Variants in PLEKHG7 observed in about 807,000 individuals in gnomAD.
The protein encoded by PLEKHG7 is pleckstrin homology domain-containing family G member 7.
In PLEKHG7, 77 loss-of-function variants were observed where a neutral mutation model predicts 85.2. The ratio of observed to expected loss-of-function variants is 0.90; its 90% confidence interval spans 0.75 to 1.09. The LOEUF is 1.09. Among genes scored for constraint, PLEKHG7 ranks in the 50% least tolerant of loss-of-function variants. The pLI is 0.00. For missense variants in PLEKHG7, 777 were observed against 804.3 expected, an observed-to-expected ratio of 0.97 and a Z score of 0.41; for synonymous variants, 301 against 302.4, an observed-to-expected ratio of 1.00 and a Z score of 0.05.
chr12:92,722,717 T>G (rs934742271), intron 3 of PLEKHG7, among the ~76,000 whole-genome samples: 26 of 152,338 alleles, frequency 1.7e-4, no homozygotes, highest in Admixed American at 1.3e-3. Flanking sequence ...ACTCAAACTG[T>G]ATTCTGCTTT....
Position 92,771,524 on chromosome 12 carries a change from A to G in PLEKHG7, c.*1329A>G, listed in dbSNP as rs944014946. The G allele has an allele frequency of 2.6e-5, 4 of 152,080 alleles. No individual in the cohort carries two copies. Among genetic ancestry groups the G allele is most frequent in the Admixed American group, 2.0e-4 (3 of 15,256 alleles). The allele number at this position is 152,080 out of a possible 1,614,324, so 9.4% of individuals were successfully genotyped here. ...ATCTGGAGGACAGTAACTATTGTTA[A>G]TAGCTAAGAATAAATGAGGTGGAGG... On this transcript the variant is annotated 3_prime_UTR_variant, in exon 17 of 17. Transcript: ENST00000344636.
intron 3 of PLEKHG7, 45 bp from the exon 4 acceptor site, chr12:92,728,948 A>C: frequency 2.5e-6 from 3 of 1,210,626 alleles, no homozygotes. Flanking sequence ...TGAGTGGTCT[A>C]AGATGATATT....
chr12:92,754,235 C>T lies in PLEKHG7; in HGVS notation c.1397C>T (p.Ser466Phe). 1 of 1,613,956 alleles carries T rather than the reference C, an allele frequency of 6.2e-7. No homozygotes were observed. The highest frequency in any genetic ancestry group is 8.5e-7 in the Non-Finnish European group (1 of 1,179,922). ...MDSAEKIMIYSIKEKVEKSIR... is the reference protein window; with the variant it reads ...MDSAEKIMIYFIKEKVEKSIR... Reference sequence around the variant, plus strand: ...TCTGCTGAGAAAATCATGATCTACTCCATCAAGGAAAAGGTGGAAAAGTCC... The same window carrying T: ...TCTGCTGAGAAAATCATGATCTACTTCATCAAGGAAAAGGTGGAAAAGTCC... The change falls in exon 11 of 17, where the codon TCC becomes TTC. Residue 466 changes from serine (S) to phenylalanine (F), a missense_variant. Ser to Phe is a radical substitution (Grantham distance 155). This residue lies in a region of PLEKHG7 where 520 missense variants were observed against 544.0 expected (regional missense o/e 0.96). Coordinates refer to ENST00000344636, the MANE Select transcript of PLEKHG7 (RefSeq NM_001377329.1).
chr12:92,707,437 G>C, intron 2 of PLEKHG7: 1 of 1,431,808 alleles, frequency 7.0e-7, no homozygotes, highest in East Asian at 2.5e-5. Context: ...GAGCAATGGG[G>C]GCCCTCTTGC....
At chr12:92,751,343 G>T (rs376880648) in intron 10 of PLEKHG7, among the ~76,000 whole-genome samples, 1 of 152,204 alleles carries the variant, frequency 6.6e-6, no homozygotes, top group African/African-American at 2.4e-5. Context: ...CACTCTCATG[G>T]CCAGCCACCT....
intron 1 of PLEKHG7, 101 bp from the exon 2 acceptor site, chr12:92,706,370 A>G (rs1871227791): frequency 2.4e-6 from 1 of 411,044 alleles, no homozygotes; most frequent in Non-Finnish European, 4.3e-6. Context: ...TCTATTGCCT[A>G]TGAAGAATTA....
At chr12:92,704,741 C>G (rs1871182354) in intron 1 of PLEKHG7, among the ~76,000 whole-genome samples, 1 of 152,172 alleles carries the variant, frequency 6.6e-6, no homozygotes, top group African/African-American at 2.4e-5. Flanking sequence ...TTTCATTTGG[C>G]ATTTTAAAAA....
At chr12:92,738,718 GACA>G (rs1222214756) in intron 7 of PLEKHG7, among the ~76,000 whole-genome samples, 1 of 152,170 alleles carries the variant, frequency 6.6e-6, no homozygotes, top group African/African-American at 2.4e-5. Flanking sequence ...AAAGAGAAAT[GACA>G]ATACCATCCC....
At chr12:92,738,547 A>C (rs886973648) in intron 7 of PLEKHG7, among the ~76,000 whole-genome samples, 2 of 152,232 alleles carry the variant, frequency 1.3e-5, no homozygotes, top group Non-Finnish European at 2.9e-5. Context: ...TTCAGGCTAT[A>C]TAGTTTTTGT....
intron 15 of PLEKHG7, among the ~76,000 whole-genome samples, chr12:92,768,391 C>T (rs563041851): frequency 6.6e-6 from 1 of 152,170 alleles, no homozygotes; most frequent in Non-Finnish European, 1.5e-5. Context: ...TTTGCAAACA[C>T]AGAAACCATG....
Position 92,706,775 on chromosome 12 carries a change from G to A in PLEKHG7, c.144G>A (p.Ser48=), listed in dbSNP as rs545048958. Residue 48 remains serine (S), a synonymous_variant, in exon 2 of 17, where the codon TCG becomes TCA. Transcript: ENST00000344636. ...DRQAPGRIST[S]PTLRRLRTRG... ...AAGCCCCAGGCCGCATCTCCACCTC[G>A]CCCACTTTGAGGAGATTAAGGACCC... The A allele has an allele frequency of 3.4e-5, 55 of 1,613,854 alleles. No individual in the cohort carries two copies. Among genetic ancestry groups the A allele is most frequent in the African/African-American group, 1.1e-4 (8 of 74,906 alleles).
intron 3 of PLEKHG7, among the ~76,000 whole-genome samples, chr12:92,709,737 A>T (rs375563721): frequency 2.6e-5 from 4 of 152,210 alleles, no homozygotes; most frequent in Non-Finnish European, 5.9e-5. Context: ...AGTCTTGGTA[A>T]ATTTTAAAAG....
At position 92,706,759 on chromosome 12, in the gene PLEKHG7, G is replaced by C; in HGVS notation, c.128G>C (p.Gly43Ala). ...SLLQFDRQAP[G>A]RISTSPTLRR... is the part of the protein sequence containing the mutation. ...CTCCAGTTTGACCGGCAAGCCCCAGGCCGCATCTCCACCTCGCCCACTTTG... is the reference window on the plus strand; with the variant it reads ...CTCCAGTTTGACCGGCAAGCCCCAGCCCGCATCTCCACCTCGCCCACTTTG... The change falls in exon 2 of 17, where the codon GGC becomes GCC. Residue 43 changes from glycine (G) to alanine (A), a missense_variant. Gly to Ala is a moderately conservative substitution (Grantham distance 60). Around this residue, in one of 3 missense-constraint regions of PLEKHG7, gnomAD observed 252 missense variants for 241.9 expected, o/e 1.04. Coordinates refer to ENST00000344636, the MANE Select transcript of PLEKHG7 (RefSeq NM_001377329.1). The C allele has an allele frequency of 6.2e-7, 1 of 1,614,028 alleles. No homozygotes were observed. The highest frequency in any genetic ancestry group is 8.5e-7 in the Non-Finnish European group (1 of 1,180,026).
At position 92,770,637 on chromosome 12, in the gene PLEKHG7, A is replaced by G; in HGVS notation, c.*442A>G. The G allele has an allele frequency of 6.5e-6, 1 of 154,708 alleles. No individual in the cohort carries two copies. Among genetic ancestry groups the G allele is most frequent in the Non-Finnish European group, 1.4e-5 (1 of 69,798 alleles). 9.6% of individuals were successfully genotyped at this position (154,708 alleles called of 1,614,324 possible). On this transcript the variant is annotated 3_prime_UTR_variant, in exon 17 of 17. Coordinates refer to ENST00000344636, the MANE Select transcript of PLEKHG7 (RefSeq NM_001377329.1). ...TGTCAATCAGTCTTAACCGCTTTATAGTCCTACCTCAAACATAATGATAAA... is the reference window on the plus strand; with the variant it reads ...TGTCAATCAGTCTTAACCGCTTTATGGTCCTACCTCAAACATAATGATAAA...
intron 13 of PLEKHG7, among the ~76,000 whole-genome samples, chr12:92,758,478 A>C (rs908158339): frequency 6.6e-6 from 1 of 152,182 alleles, no homozygotes; most frequent in Non-Finnish European, 1.5e-5. Flanking sequence ...CATAATGAGA[A>C]CCCACATGGA....
intron 16 of PLEKHG7, among the ~76,000 whole-genome samples, chr12:92,769,441 C>T (rs115270900): frequency 3.6e-3 from 551 of 152,224 alleles, no homozygotes; most frequent in African/African-American, 0.013. Context: ...CTTTAAGATG[C>T]TCCAATCAGT....
At position 92,770,432 on chromosome 12, in the gene PLEKHG7, T is replaced by TA. The variant is rs1873376190; in HGVS notation, c.*239dup. The TA allele has an allele frequency of 2.4e-6, 1 of 422,988 alleles. No homozygotes were observed. Among genetic ancestry groups the TA allele is most frequent in the Middle Eastern group, 6.3e-4 (1 of 1,590 alleles). The allele number at this position is 422,988 out of a possible 1,614,324, so 26.2% of individuals were successfully genotyped here. A position where few individuals can be genotyped will look rare whatever the true frequency, so the allele number is the denominator to read the frequency against. On this transcript the variant is annotated 3_prime_UTR_variant, in exon 17 of 17. Transcript: ENST00000344636. ...ATATACTGACATCCAGATTACCTTC[T>TA]AATGCTTCCGTCAGGTTTGTAAGAG...
intron 14 of PLEKHG7, among the ~76,000 whole-genome samples, chr12:92,762,657 C>A (rs1334953705): frequency 1.3e-5 from 2 of 152,184 alleles, no homozygotes; most frequent in Non-Finnish European, 2.9e-5. Flanking sequence ...GGCTCCCAGA[C>A]ACCTGCTCTA....
intron 3 of PLEKHG7, chr12:92,721,332 G>C (rs1202757903): frequency 3.3e-6 from 2 of 598,266 alleles, no homozygotes. Context: ...GGCCTGCTCA[G>C]CAGTGGGGTT....
Sources: allele counts gnomAD v4.1 joint callset (sites outside exome capture counted in the v4.1 genomes callset), GRCh38; gene constraint gnomAD v4.1.1; regional missense constraint gnomAD v4.1.1; transcripts MANE v1.5; gene names NCBI Gene and HGNC (gene_info 2026-07-23, HGNC 2026-07-21).